The following DNAH3 variants were observed in gnomAD, a reference collection of about 807,000 sequenced individuals.
The protein encoded by DNAH3 is dynein axonemal heavy chain 3, also known as axonemal beta dynein heavy chain 3.
DNAH3 carries 332 observed loss-of-function variants against 432.5 expected under a neutral mutation model. That is an observed-to-expected ratio of 0.77 (90% confidence interval 0.70 to 0.84). The LOEUF is 0.84. DNAH3 is among the 40% of genes least tolerant of loss of function. The pLI, the probability that DNAH3 is intolerant of heterozygous loss-of-function variation, is 0.00. For missense variants in DNAH3, 4,861 were observed against 5,114.0 expected (o/e 0.95, Z 1.51); for synonymous variants, 1,956 against 1,900.2 (o/e 1.03, Z -0.76).
In DNAH3 at chr16:20,949,511, T is replaced by C. The variant is rs558651832; in HGVS notation, c.11189-874A>G. ...TATAAATTAAACTTTATCATAGGTA[T>C]GTATGTATAGGATAAAAAATAGTAT... On this transcript the variant is annotated intron_variant, in intron 56 of 61. Coordinates refer to ENST00000261383, the Ensembl canonical transcript of DNAH3. 2.0e-5 allele frequency among the ~76,000 whole-genome samples: 3 copies of C among 152,284 alleles called. No homozygotes were observed. In the East Asian group the frequency reaches 5.8e-4, roughly 29 times the overall value.
intron 38 of DNAH3, among the ~76,000 whole-genome samples, 157 bp downstream of exon 38, chr16:21,026,870 C>G (rs2152719117): frequency 6.6e-6 from 1 of 151,896 alleles, no homozygotes; most frequent in Non-Finnish European, 1.5e-5. Flanking sequence ...GCACATATAC[C>G]CCCTGGAACC....
intron 21 of DNAH3, among the ~76,000 whole-genome samples, chr16:21,072,689 AGGCTG>A (rs2090833687): frequency 6.6e-6 from 1 of 152,016 alleles, no homozygotes; most frequent in African/African-American, 2.4e-5. Context: ...TCTGTCACCC[AGGCTG>A]GAGTGTAATA....
chr16:21,058,557 C>G (rs2090219068), intron 26 of DNAH3, among the ~76,000 whole-genome samples: 1 of 152,106 alleles, frequency 6.6e-6, no homozygotes, highest in Admixed American at 6.5e-5. Flanking sequence ...AGCTGTTTCT[C>G]CACCCCACAA....
At chr16:20,947,782 T>C (rs1428911489) in intron 57 of DNAH3, among the ~76,000 whole-genome samples, 4 of 152,092 alleles carry the variant, frequency 2.6e-5, no homozygotes, top group African/African-American at 9.7e-5. Flanking sequence ...TTTTTTTGTT[T>C]GTTTGTTTGT....
In DNAH3 at chr16:20,985,546, A is replaced by T. The variant is rs34179606; in HGVS notation, c.7196T>A (p.Ile2399Asn). The change falls in exon 48 of 62, where the codon ATC becomes AAC. Residue 2399 changes from isoleucine to asparagine, a missense_variant. Physicochemically the swap from Ile to Asn is moderately radical, Grantham distance 149. Coordinates refer to ENST00000261383, the Ensembl canonical transcript of DNAH3. Reference sequence around the variant, plus strand: ...GACCAGGGACATGGGGGCCTTGCTGATGTTGTTGAATTCTTCCAGATAGTG... The same window carrying T: ...GACCAGGGACATGGGGGCCTTGCTGTTGTTGTTGAATTCTTCCAGATAGTG... 3,234 of 1,614,048 alleles carry T rather than the reference A, an allele frequency of 2.0e-3. 49 individuals are homozygous for T. The African/African-American group carries it at 0.036, about 18-fold the overall frequency.
chr16:21,112,183 T>C (rs2092092128), intron 12 of DNAH3, 85 bp from the exon 13 acceptor site: 4 of 889,748 alleles, frequency 4.5e-6, no homozygotes, highest in Admixed American at 4.8e-5. Flanking sequence ...GAAGACATAG[T>C]AGCATTTTAA....
intron 31 of DNAH3, among the ~76,000 whole-genome samples, chr16:21,046,557 G>A (rs2089707288): frequency 6.6e-6 from 1 of 151,794 alleles, no homozygotes. Context: ...TTTATTTTGA[G>A]CCTATGTGTG....
Position 21,060,363 on chromosome 16 carries a change from A to G in DNAH3, c.3721-7T>C. The G allele has an allele frequency of 6.2e-7, 1 of 1,611,806 alleles. No homozygotes were observed. The highest frequency in any genetic ancestry group is 2.2e-5 in the East Asian group (1 of 44,860). On this transcript the variant is annotated splice_region_variant and splice_polypyrimidine_tract_variant and intron_variant, in intron 25 of 61. Transcript: ENST00000261383. ...GCCACTTTTCCACCATGCCCTATGG[A>G]GCAAGACAGAGAGAGGGTGCAGCAG...
chr16:21,072,485 C>T (rs1443625496), intron 21 of DNAH3, among the ~76,000 whole-genome samples: 1 of 152,014 alleles, frequency 6.6e-6, no homozygotes, highest in Non-Finnish European at 1.5e-5. Context: ...CACCACCACA[C>T]CGGGCTAATT....
rs535502300 is a variant in DNAH3, at chr16:21,095,809, G to C, written c.2665+1546C>G. Among the ~76,000 whole-genome samples, 7 of 152,064 alleles carry C rather than the reference G, an allele frequency of 4.6e-5. No individual in the cohort carries two copies. In the East Asian group the frequency reaches 1.2e-3, roughly 25 times the overall value. ...AGACAGGGTCTCGCTCTGTCTCCCA[G>C]GTTGGAGTGCAGTAGTGCCATCACA... On this transcript the variant is annotated intron_variant, in intron 18 of 61. Coordinates refer to ENST00000261383, the Ensembl canonical transcript of DNAH3.
exon 53 of DNAH3, chr16:20,964,552 T>A: frequency 1.2e-6 from 2 of 1,614,224 alleles, no homozygotes; most frequent in South Asian, 1.1e-5. Context: ...CATCCTCATG[T>A]AGTTGCTATC....
At chr16:21,150,131 A>T (rs2092834480) in intron 1 of DNAH3, among the ~76,000 whole-genome samples, 159 bp downstream of exon 2, 1 of 151,390 alleles carries the variant, frequency 6.6e-6, no homozygotes, top group Non-Finnish European at 1.5e-5. Flanking sequence ...AGGCTGAGGC[A>T]GGAGAATCAC....
exon 49 of DNAH3, chr16:20,982,784 G>C: frequency 6.2e-7 from 1 of 1,614,162 alleles, no homozygotes; most frequent in Non-Finnish European, 8.5e-7. Context: ...CAACTCTAGG[G>C]CATCTGTGGG....
At chr16:21,010,125 C>T (rs1005211195) in intron 41 of DNAH3, among the ~76,000 whole-genome samples, 1 of 152,154 alleles carries the variant, frequency 6.6e-6, no homozygotes, top group African/African-American at 2.4e-5. Flanking sequence ...ATGTATCAAA[C>T]ATCTAGCATA....
At chr16:21,098,440 A>C (rs1310857561) in intron 17 of DNAH3, among the ~76,000 whole-genome samples, 176 bp downstream of exon 17, 1 of 129,382 alleles carries the variant, frequency 7.7e-6, no homozygotes, top group Non-Finnish European at 1.5e-5. Flanking sequence ...CCTTGTCTCA[A>C]AAAAAAAAAA....
At chr16:21,090,383 A>C (rs1267320267) in intron 18 of DNAH3, among the ~76,000 whole-genome samples, 1 of 151,060 alleles carries the variant, frequency 6.6e-6, no homozygotes, top group Non-Finnish European at 1.5e-5. Context: ...AAAAAAAAAA[A>C]AAACCCTACA....
chr16:21,060,406 G>A (rs201644809), intron 25 of DNAH3, 50 bp from the exon 26 acceptor site: 2 of 1,449,218 alleles, frequency 1.4e-6, no homozygotes, highest in Admixed American at 1.7e-5. Flanking sequence ...AAGCCCAGAG[G>A]GAGGGAGAGT....
In DNAH3 at chr16:20,939,611, T is replaced by TC. The variant is rs1648804278; in HGVS notation, c.11654+1789dup. Among the ~76,000 whole-genome samples, 6 of 108,110 alleles carry TC rather than the reference T, an allele frequency of 5.5e-5. No individual in the cohort carries two copies. The South Asian group carries it at 1.5e-3, about 27-fold the overall frequency. 70.9% of individuals were successfully genotyped at this position (108,110 alleles called of 152,430 possible). On this transcript the variant is annotated intron_variant, in intron 59 of 61. Transcript: ENST00000261383. ...TGGGTGACAAGAGTGAGACTCTGTC[T>TC]CAAAAAAAAAAAAAAAAAAGTAACT...
exon 45 of DNAH3, chr16:20,987,964 C>T (rs1284196365): frequency 1.2e-6 from 2 of 1,614,068 alleles, no homozygotes; most frequent in South Asian, 1.1e-5. Context: ...ACATCAAACC[C>T]TTTCCCGAAG....
Sources: allele counts gnomAD v4.1 joint callset (sites outside exome capture counted in the v4.1 genomes callset), GRCh38; gene constraint gnomAD v4.1.1; transcripts MANE v1.5; gene names NCBI Gene and HGNC (gene_info 2026-07-23, HGNC 2026-07-21).